SUCLG1: variants seen among roughly 807,000 people sequenced by gnomAD.
SUCLG1 encodes the protein succinate-CoA ligase GDP/ADP-forming subunit alpha.
Under a neutral mutation model 37.3 loss-of-function variants are expected in SUCLG1, and 26 were observed. The observed-to-expected ratio is 0.70, with a 90% CI of 0.51 to 0.97. The LOEUF is 0.97. Ranked by LOEUF, SUCLG1 falls within the 50% of genes least tolerant of loss-of-function variation. The pLI is 0.00. For synonymous variants in SUCLG1, 163 were observed against 155.6 expected, an observed-to-expected ratio of 1.05 and a Z score of -0.36; for missense variants, 433 against 432.9, an observed-to-expected ratio of 1.00 and a Z score of 0.00.
rs113923257 is a variant in SUCLG1, at chr2:84,459,156, G to A, written c.97+17C>T. 131 of 1,547,492 alleles carry A rather than the reference G, an allele frequency of 8.5e-5. 2 individuals are homozygous for A. In the African/African-American group the frequency reaches 1.3e-3, roughly 16 times the overall value. The stretch of plus-strand genomic sequence containing the variant: ...ATAACCCGCGGGCGCCAGGAAGACA[G>A]TACTGGCTGGACTCACGGAGGAAGC... On this transcript the variant is annotated intron_variant, in intron 1 of 8. Coordinates refer to ENST00000393868, the MANE Select transcript of SUCLG1 (RefSeq NM_003849.4).
Position 84,434,653 on chromosome 2 carries a change from T to C in SUCLG1, c.590-1218A>G, listed in dbSNP as rs58114273. On this transcript the variant is annotated intron_variant, in intron 5 of 8. Transcript: ENST00000393868. ...TTAAACTCCTGCCTTGGAGCAACTC[T>C]GAAGAACTCAGAAGACCCTTTTCTA... Among the ~76,000 whole-genome samples, 154 of 152,322 alleles carry C rather than the reference T, an allele frequency of 1.0e-3. 4 individuals are homozygous for C. The East Asian group carries it at 0.028, about 27-fold the overall frequency.
chr2:84,436,028 G>C (rs1672683357), intron 5 of SUCLG1, among the ~76,000 whole-genome samples: 1 of 152,178 alleles, frequency 6.6e-6, no homozygotes, highest in Non-Finnish European at 1.5e-5. Flanking sequence ...AAGAACAGCA[G>C]TTCTTGCAGT....
rs1553393784 is a variant in SUCLG1 at position 84,443,369 on chromosome 2, T to C, written c.233A>G (p.Tyr78Cys). 1.2e-6 allele frequency: 2 copies of C among 1,614,154 alleles called. No individual in the cohort carries two copies. Among genetic ancestry groups the C allele is most frequent in the Non-Finnish European group, 1.7e-6 (2 of 1,179,994 alleles). The change falls in exon 3 of 9, where the codon TAT (tyrosine) becomes TGT (cysteine). Residue 78 changes from tyrosine to cysteine, a missense_variant. Coordinates refer to ENST00000393868, the MANE Select transcript of SUCLG1 (RefSeq NM_003849.4). ...GTFHSQQALEYGTKLVGGTTP... is the reference protein window; with the variant it reads ...GTFHSQQALECGTKLVGGTTP... The stretch of plus-strand genomic sequence containing the variant: ...GGTTCCTCCAACGAGTTTGGTGCCA[T>C]ATTCCAATGCCTGCTGGCTGTGAAA...
chr2:84,425,569 G>A lies in SUCLG1; in HGVS notation c.860C>T (p.Ala287Val). Residue 287 changes from alanine (A) to valine (V), a missense_variant, in exon 8 of 9, where the codon GCT (alanine) becomes GTT (valine). Transcript: ENST00000393868. ...TCTCCCAGGAGGAGCAGTTAAACCA[G>A]CAATGAAGGACACTACAGGCTTGGA... ...PNSKPVVSFI[A>V]GLTAPPGRRM... 6.2e-7 allele frequency: 1 copy of A among 1,614,194 alleles called. No homozygotes were observed. The highest frequency in any genetic ancestry group is 1.1e-5 in the South Asian group (1 of 91,080).
chr2:84,458,275 G>C (rs1673061636), intron 1 of SUCLG1, among the ~76,000 whole-genome samples: 2 of 151,916 alleles, frequency 1.3e-5, no homozygotes, highest in Non-Finnish European at 2.9e-5. Flanking sequence ...CAAAATAATG[G>C]TCCACCTTAC....
chr2:84,459,249 A>G lies in SUCLG1; in HGVS notation c.21T>C (p.Ala7=), dbSNP rs899520978. Residue 7 remains alanine, a synonymous_variant, in exon 1 of 9, where the codon GCT becomes GCC. Transcript: ENST00000393868. The part of the protein sequence containing the change: MTATLA[A]AADIATMVSG... ...AGACCATGGTAGCGATGTCAGCGGCAGCGGCAAGGGTTGCGGTCATACGCC... is the reference window on the plus strand; with the variant it reads ...AGACCATGGTAGCGATGTCAGCGGCGGCGGCAAGGGTTGCGGTCATACGCC... The G allele has an allele frequency of 2.6e-6, 4 of 1,550,550 alleles. No homozygotes were observed. In the African/African-American group the frequency reaches 5.5e-5, roughly 21 times the overall value.
intron 7 of SUCLG1, among the ~76,000 whole-genome samples, chr2:84,428,981 A>G (rs1672576675): frequency 1.3e-5 from 2 of 152,356 alleles, no homozygotes; most frequent in South Asian, 4.1e-4. Context: ...ATTCATAAAG[A>G]AAGAACAAAA....
intron 2 of SUCLG1, among the ~76,000 whole-genome samples, chr2:84,444,350 G>A (rs1672816498): frequency 1.3e-5 from 2 of 152,168 alleles, no homozygotes; most frequent in Non-Finnish European, 2.9e-5. Flanking sequence ...GGTGTCCGGG[G>A]AAGACATCAC....
chr2:84,454,671 G>A (rs1290529791), intron 1 of SUCLG1, among the ~76,000 whole-genome samples: 5 of 152,124 alleles, frequency 3.3e-5, no homozygotes, highest in East Asian at 1.9e-4. Context: ...AGACAATGAA[G>A]GAAAGAGGCT....
intron 7 of SUCLG1, among the ~76,000 whole-genome samples, chr2:84,428,177 A>C (rs1480623943): frequency 1.3e-5 from 2 of 152,062 alleles, no homozygotes; most frequent in African/African-American, 2.4e-5. Flanking sequence ...CTTAACTTTT[A>C]AGATCTGACT....
At chr2:84,426,978 A>G (rs1396339729) in intron 7 of SUCLG1, 2 of 153,598 alleles carry the variant, frequency 1.3e-5, no homozygotes, top group African/African-American at 4.8e-5. Flanking sequence ...TTAGAAATTA[A>G]AACAAATTTT....
At chr2:84,447,308 A>ACAG (rs1367321222) in intron 2 of SUCLG1, among the ~76,000 whole-genome samples, 1 of 151,788 alleles carries the variant, frequency 6.6e-6, no homozygotes, top group African/African-American at 2.4e-5. Flanking sequence ...TTTAAAAACA[A>ACAG]CAAAAAAAAG....
intron 1 of SUCLG1, among the ~76,000 whole-genome samples, chr2:84,456,073 C>T (rs1673014772): frequency 6.6e-6 from 1 of 152,144 alleles, no homozygotes; most frequent in Admixed American, 6.5e-5. Context: ...GCAACAGATG[C>T]TAATATCCAC....
intron 1 of SUCLG1, among the ~76,000 whole-genome samples, chr2:84,451,857 C>G (rs374911042): frequency 5.3e-5 from 8 of 152,196 alleles, no homozygotes; most frequent in African/African-American, 1.9e-4. Context: ...TACAGACCCA[C>G]TTCTAGATAA....
intron 1 of SUCLG1, among the ~76,000 whole-genome samples, chr2:84,453,070 G>T (rs1400529888): frequency 1.3e-5 from 2 of 152,076 alleles, no homozygotes; most frequent in African/African-American, 4.8e-5. Flanking sequence ...GGTCCCCAAA[G>T]CTACATTAAT....
At chr2:84,434,620 T>C (rs183954285) in intron 5 of SUCLG1, among the ~76,000 whole-genome samples, 5 of 152,322 alleles carry the variant, frequency 3.3e-5, no homozygotes, top group Admixed American at 3.3e-4. Context: ...GTCCATGGTT[T>C]ACTTTCCTTA....
At chr2:84,444,393 G>A (rs770736412) in intron 2 of SUCLG1, among the ~76,000 whole-genome samples, 15 of 152,150 alleles carry the variant, frequency 9.9e-5, no homozygotes, top group African/African-American at 1.4e-4. Flanking sequence ...CCCCTAAGCC[G>A]TAAAACCAGC....
chr2:84,451,058 T>C (rs1672932903), intron 1 of SUCLG1, among the ~76,000 whole-genome samples: 1 of 152,206 alleles, frequency 6.6e-6, no homozygotes, highest in African/African-American at 2.4e-5. Flanking sequence ...AGCAGGGATT[T>C]ATGGCCTGAG....
chr2:84,442,888 A>T (rs1672795847), intron 3 of SUCLG1, among the ~76,000 whole-genome samples: 1 of 152,206 alleles, frequency 6.6e-6, no homozygotes. Flanking sequence ...AATGAGGATG[A>T]TAACAGCACC....
Sources: gnomAD v4.1 joint callset for allele counts (sites outside exome capture counted in the v4.1 genomes callset) on GRCh38, gnomAD v4.1.1 for gene constraint, MANE v1.5 for transcripts, NCBI Gene and HGNC (gene_info 2026-07-23, HGNC 2026-07-21) for gene names.